Variants in MTA3 observed in about 807,000 individuals in gnomAD.
MTA3 encodes metastasis associated 1 family member 3.
Under a neutral mutation model 83.5 loss-of-function variants are expected in MTA3, and 34 were observed. The observed-to-expected ratio is 0.41, with a 90% CI of 0.31 to 0.54. The LOEUF is 0.54. Among genes scored for constraint, MTA3 ranks in the 20% least tolerant of loss-of-function variants. The probability of loss-of-function intolerance (pLI) is 0.33; values close to 1 mark genes in which losing one functional copy is unlikely to be tolerated. For missense variants in MTA3, 761 were observed against 726.4 expected, an observed-to-expected ratio of 1.05 and a Z score of -0.55; for synonymous variants, 303 against 252.7, an observed-to-expected ratio of 1.20 and a Z score of -1.89.
intron 12 of MTA3, among the ~76,000 whole-genome samples, chr2:42,705,186 A>G (rs1017924015): frequency 2.6e-5 from 4 of 152,184 alleles, no homozygotes; most frequent in African/African-American, 9.7e-5. Flanking sequence ...AAGTTGCTGA[A>G]TTTGTAGAAA....
chr2:42,520,756 G>T (rs1327348597), intron 2 of MTA3, among the ~76,000 whole-genome samples: 1 of 151,940 alleles, frequency 6.6e-6, no homozygotes, highest in African/African-American at 2.4e-5. Context: ...TGTAGAGACA[G>T]GGTCTCCCTA....
At chr2:42,598,320 C>T (rs1239137104) in intron 3 of MTA3, among the ~76,000 whole-genome samples, 1 of 152,150 alleles carries the variant, frequency 6.6e-6, no homozygotes, top group Non-Finnish European at 1.5e-5. Context: ...CCGCCTCGGC[C>T]TCCCAAAGTG....
At chr2:42,725,088 T>C (rs1057079644) in intron 16 of MTA3, among the ~76,000 whole-genome samples, 4 of 152,246 alleles carry the variant, frequency 2.6e-5, no homozygotes, top group Admixed American at 2.6e-4. Context: ...GCTGATGACA[T>C]GTGCTCGGCA....
At chr2:42,622,392 C>G (rs1387998382) in intron 4 of MTA3, among the ~76,000 whole-genome samples, 1 of 33,076 alleles carries the variant, frequency 3.0e-5, no homozygotes, top group Non-Finnish European at 5.5e-5. Flanking sequence ...AGAGGGAGAC[C>G]GTGGGGAGAG....
intron 9 of MTA3, among the ~76,000 whole-genome samples, chr2:42,691,820 C>T (rs1189362268): frequency 3.9e-5 from 6 of 152,204 alleles, no homozygotes. Flanking sequence ...TTTCCTTCAG[C>T]ACTTTAAATA....
chr2:42,644,076 T>G, intron 5 of MTA3, 51 bp from the exon 6 acceptor site: 12 of 1,109,482 alleles, frequency 1.1e-5, no homozygotes, highest in Non-Finnish European at 1.4e-5. Context: ...TAATGCTTTA[T>G]AAGAAGTAGA....
At position 42,548,814 on chromosome 2, in the gene MTA3, T is replaced by TATATATATATA. The variant is rs1676885457; in HGVS notation, c.-140-21622_-140-21612dup. ...TGAGACCCTGTCTCAAAAAAAAATATATATATATATATATAATATATATAT... is the reference window on the plus strand; with the variant it reads ...TGAGACCCTGTCTCAAAAAAAAATATATATATATATAATATATATATATATAATATATATAT... On this transcript the variant is annotated intron_variant, in intron 2 of 17. Coordinates refer to the MTA3 transcript ENST00000405592. 9.5e-4 allele frequency among the ~76,000 whole-genome samples: 32 copies of TATATATATATA among 33,678 alleles called. 2 individuals are homozygous for TATATATATATA. The highest frequency in any genetic ancestry group is 3.7e-3 in the South Asian group (3 of 816). 22.1% of individuals were successfully genotyped at this position (33,678 alleles called of 152,430 possible). A position where few individuals can be genotyped will look rare whatever the true frequency, so the allele number is the denominator to read the frequency against.
upstream of MTA3, among the ~76,000 whole-genome samples, chr2:42,567,470 C>T (rs1294337959): frequency 6.6e-6 from 1 of 152,162 alleles, no homozygotes; most frequent in African/African-American, 2.4e-5. Flanking sequence ...ACCTTAAACC[C>T]AGAGTCGACA....
At chr2:42,578,330 G>A (rs1222262018) in intron 2 of MTA3, among the ~76,000 whole-genome samples, 1 of 152,174 alleles carries the variant, frequency 6.6e-6, no homozygotes, top group Non-Finnish European at 1.5e-5. Flanking sequence ...CCCAGCTGCA[G>A]TAAATGACAG....
intron 2 of MTA3, among the ~76,000 whole-genome samples, chr2:42,502,820 G>A (rs893195037): frequency 1.5e-5 from 1 of 66,662 alleles, no homozygotes; most frequent in Non-Finnish European, 3.0e-5. Flanking sequence ...AAAATTAGCC[G>A]GGCATGGTGG....
intron 2 of MTA3, among the ~76,000 whole-genome samples, chr2:42,528,497 G>T (rs1201341606): frequency 1.3e-5 from 2 of 152,224 alleles, no homozygotes; most frequent in South Asian, 2.1e-4. Context: ...TGGGATTACA[G>T]GCATGAGCCA....
intron 16 of MTA3, among the ~76,000 whole-genome samples, chr2:42,737,101 G>A (rs184302651): frequency 6.6e-6 from 1 of 152,092 alleles, no homozygotes; most frequent in East Asian, 1.9e-4. Flanking sequence ...TGGGGGAAGT[G>A]TGGTGTAAGC....
chr2:42,751,121 T>G (rs1468426635), intron 16 of MTA3, among the ~76,000 whole-genome samples: 1 of 152,232 alleles, frequency 6.6e-6, no homozygotes, highest in African/African-American at 2.4e-5. Context: ...GAAAGGAAAC[T>G]AACTCAGAAG....
At chr2:42,746,874 T>C (rs773294776) in intron 16 of MTA3, among the ~76,000 whole-genome samples, 1 of 152,242 alleles carries the variant, frequency 6.6e-6, no homozygotes, top group Non-Finnish European at 1.5e-5. Context: ...CTTGGGCCTT[T>C]TATGGAGACT....
At chr2:42,598,700 C>G (rs769208995) in intron 3 of MTA3, among the ~76,000 whole-genome samples, 1 of 152,142 alleles carries the variant, frequency 6.6e-6, no homozygotes, top group African/African-American at 2.4e-5. Flanking sequence ...CGTTGTTGAG[C>G]CTTAATTCAT....
rs1237903169 is a variant in MTA3 at position 42,741,664 on chromosome 2, A to AT, written c.1760-11702dup. On this transcript the variant is annotated intron_variant, in intron 16 of 16. Coordinates refer to ENST00000405094, the MANE Select transcript of MTA3 (RefSeq NM_001330442.2). ...CTGGAGCAGTCAGAGGACACATAGCATTTTTTTTATTAATTTTTTTTTTCA... is the reference window on the plus strand; with the variant it reads ...CTGGAGCAGTCAGAGGACACATAGCATTTTTTTTTATTAATTTTTTTTTTCA... 4.6e-5 allele frequency among the ~76,000 whole-genome samples: 7 copies of AT among 152,080 alleles called. No individual in the cohort carries two copies. In the East Asian group the frequency reaches 5.8e-4, roughly 13 times the overall value.
At chr2:42,689,773 C>CTTT (rs1222011840) in intron 9 of MTA3, among the ~76,000 whole-genome samples, 5 of 118,524 alleles carry the variant, frequency 4.2e-5, no homozygotes, top group African/African-American at 1.2e-4. Flanking sequence ...TAATTTGTGT[C>CTTT]TTTTTTTTTT....
At chr2:42,680,139 T>G (rs1475634544) in intron 8 of MTA3, 1 of 153,142 alleles carries the variant, frequency 6.5e-6, no homozygotes, top group Non-Finnish European at 1.5e-5. Context: ...CTTCTATTTC[T>G]GGATTTTCTG....
intron 2 of MTA3, among the ~76,000 whole-genome samples, chr2:42,555,834 G>T (rs1363434851): frequency 3.3e-5 from 5 of 152,056 alleles, no homozygotes; most frequent in South Asian, 4.1e-4. Context: ...CACTTTGGGA[G>T]GCCAAGGAGG....
Sources: gnomAD v4.1 joint callset for allele counts (sites outside exome capture counted in the v4.1 genomes callset) on GRCh38, gnomAD v4.1.1 for gene constraint, MANE v1.5 for transcripts, NCBI Gene and HGNC (gene_info 2026-07-23, HGNC 2026-07-21) for gene names.